Variants in ALG9 observed in about 807,000 individuals in gnomAD.
ALG9 encodes ALG9 alpha-1,2-mannosyltransferase.
In ALG9, 55 loss-of-function variants were observed where a neutral mutation model predicts 81.8. That is an observed-to-expected ratio of 0.67 (90% CI 0.54 to 0.84). The LOEUF (loss-of-function observed/expected upper bound fraction) is 0.84, where lower values mean the gene tolerates loss of function less well. ALG9 is among the 40% of genes least tolerant of loss of function. The probability of loss-of-function intolerance (pLI) is 0.00; values close to 1 mark genes in which losing one functional copy is unlikely to be tolerated. For missense variants in ALG9, 629 were observed against 745.0 expected (o/e 0.84, Z 1.81); for synonymous variants, 278 against 274.3 (o/e 1.01, Z -0.13).
chr11:111,812,709 G>A (rs1279465367), intron 13 of ALG9, among the ~76,000 whole-genome samples: 2 of 151,932 alleles, frequency 1.3e-5, no homozygotes, highest in East Asian at 3.9e-4. Flanking sequence ...CTGAGGTCAG[G>A]AGTTTGAGAC....
chr11:111,825,776 G>C (rs970886450), intron 13 of ALG9, among the ~76,000 whole-genome samples: 1 of 152,186 alleles, frequency 6.6e-6, no homozygotes, highest in East Asian at 1.9e-4. Flanking sequence ...AGCCGGGCGC[G>C]GTGGCTCACA....
chr11:111,768,206 TA>T, the ALG9 span, among the ~76,000 whole-genome samples: 2 of 152,320 alleles, frequency 1.3e-5, no homozygotes, highest in African/African-American at 4.8e-5. Context: ...CTTGGTGGCA[TA>T]GGCATGTTGA....
intron 9 of ALG9, among the ~76,000 whole-genome samples, chr11:111,843,266 A>C (rs1285393318): frequency 6.6e-6 from 1 of 152,246 alleles, no homozygotes; most frequent in African/African-American, 2.4e-5. Context: ...TTCGAAAGAA[A>C]AAAAGTAAGA....
At chr11:111,847,256 A>T (rs1317586207) in intron 8 of ALG9, among the ~76,000 whole-genome samples, 1 of 152,122 alleles carries the variant, frequency 6.6e-6, no homozygotes, top group Non-Finnish European at 1.5e-5. Context: ...AGCAGGACTG[A>T]TAAGACCCCA....
intron 3 of ALG9, 146 bp from the exon 4 acceptor site, chr11:111,865,397 TC>T: frequency 1.6e-6 from 1 of 633,994 alleles, no homozygotes; most frequent in East Asian, 3.0e-5. Flanking sequence ...AATTTTCATA[TC>T]CCTTGACTCA....
At chr11:111,814,194 C>T (rs141390477) in intron 13 of ALG9, among the ~76,000 whole-genome samples, 117 of 152,198 alleles carry the variant, frequency 7.7e-4, no homozygotes, top group African/African-American at 2.7e-3. Flanking sequence ...AGAGAACAAA[C>T]CACAGGCAAT....
intron 9 of ALG9, 106 bp downstream of exon 9, chr11:111,844,494 AG>A: frequency 1.3e-6 from 2 of 1,515,730 alleles, no homozygotes; most frequent in South Asian, 1.1e-5. Flanking sequence ...CCATTTCCAT[AG>A]GAAGAATGTG....
chr11:111,820,498 A>G (rs1378029555), intron 13 of ALG9, among the ~76,000 whole-genome samples: 10 of 152,338 alleles, frequency 6.6e-5, no homozygotes, highest in African/African-American at 2.2e-4. Flanking sequence ...CAATAATGGC[A>G]TTAATCTATT....
intron 8 of ALG9, among the ~76,000 whole-genome samples, chr11:111,851,127 A>C (rs1957741147): frequency 6.6e-6 from 1 of 152,162 alleles, no homozygotes; most frequent in Non-Finnish European, 1.5e-5. Context: ...CCGTAAACTT[A>C]AATCAGAATT....
At chr11:111,828,918 T>G (rs539321994) in intron 13 of ALG9, 1 of 152,360 alleles carries the variant, frequency 6.6e-6, no homozygotes, top group Admixed American at 6.5e-5. Context: ...ATATTGATTT[T>G]TCTTTACAAG....
At chr11:111,856,625 C>A (rs7114798) in intron 6 of ALG9, among the ~76,000 whole-genome samples, 5,556 of 137,144 alleles carry the variant, frequency 0.041, 353 homozygotes, top group African/African-American at 0.14. Context: ...CTGGTACTTA[C>A]TTTTTTTTTT....
intron 10 of ALG9, among the ~76,000 whole-genome samples, chr11:111,838,906 C>T (rs957230841): frequency 1.3e-5 from 2 of 152,100 alleles, no homozygotes; most frequent in Non-Finnish European, 1.5e-5. Flanking sequence ...AATATAAACA[C>T]ACATGCATGA....
At chr11:111,768,248 C>G in the ALG9 span, among the ~76,000 whole-genome samples, 2 of 152,198 alleles carry the variant, frequency 1.3e-5, no homozygotes, top group African/African-American at 2.4e-5. Flanking sequence ...TAGCAGGCAA[C>G]ACCATAGTAA....
intron 13 of ALG9, among the ~76,000 whole-genome samples, chr11:111,829,372 A>T (rs1189109176): frequency 6.6e-6 from 1 of 152,236 alleles, no homozygotes; most frequent in Non-Finnish European, 1.5e-5. Flanking sequence ...AAAATTTTGT[A>T]AAACACAAGC....
At chr11:111,825,773 C>T (rs1468051732) in intron 13 of ALG9, among the ~76,000 whole-genome samples, 3 of 152,108 alleles carry the variant, frequency 2.0e-5, no homozygotes, top group Admixed American at 6.5e-5. Context: ...TACAGCCGGG[C>T]GCGGTGGCTC....
intron 13 of ALG9, 46 bp downstream of exon 13, chr11:111,836,119 G>A (rs782677859): frequency 6.2e-7 from 1 of 1,611,494 alleles, no homozygotes; most frequent in Non-Finnish European, 8.5e-7. Flanking sequence ...AGACTTTTAG[G>A]CATAGAATTC....
chr11:111,855,821 C>T (rs1958574067), intron 6 of ALG9, among the ~76,000 whole-genome samples: 1 of 152,066 alleles, frequency 6.6e-6, no homozygotes, highest in Non-Finnish European at 1.5e-5. Flanking sequence ...ACATGAAAAT[C>T]TGAGAATGTG....
At chr11:111,856,691 T>C (rs902456873) in intron 6 of ALG9, among the ~76,000 whole-genome samples, 4 of 151,592 alleles carry the variant, frequency 2.6e-5, no homozygotes, top group South Asian at 4.2e-4. Flanking sequence ...CAGATTAAAA[T>C]ATTTTCCTAA....
At chr11:111,804,303 A>G (rs538132567) in intron 14 of ALG9, among the ~76,000 whole-genome samples, 1 of 152,354 alleles carries the variant, frequency 6.6e-6, no homozygotes, top group East Asian at 1.9e-4. Context: ...CTTCATTAAA[A>G]TAAAATATTT....
Sources: allele counts gnomAD v4.1 joint callset (sites outside exome capture counted in the v4.1 genomes callset), GRCh38; gene constraint gnomAD v4.1.1; transcripts MANE v1.5; gene names NCBI Gene and HGNC (gene_info 2026-07-23, HGNC 2026-07-21).